BCL2L1: variants seen among roughly 807,000 people sequenced by gnomAD.
BCL2L1 encodes the protein bcl-2-like protein 1.
BCL2L1 carries 1 observed loss-of-function variant against 18.7 expected under a neutral mutation model. That is an observed-to-expected ratio of 0.05 (90% confidence interval 0.02 to 0.25). BCL2L1 has a LOEUF of 0.25. BCL2L1 is among the 10% of genes least tolerant of loss of function. BCL2L1 has a pLI of 1.00. For missense variants in BCL2L1, 207 were observed against 304.9 expected (o/e 0.68, Z 2.39); for synonymous variants, 103 against 122.7 (o/e 0.84, Z 1.06).
At chr20:31,669,498 G>A (rs2060634408) in intron 2 of BCL2L1, among the ~76,000 whole-genome samples, 1 of 149,956 alleles carries the variant, frequency 6.7e-6, no homozygotes, top group Non-Finnish European at 1.5e-5. Context: ...TGTCACCTAG[G>A]CTGGAGTGCA....
intron 2 of BCL2L1, 127 bp from the exon 3 acceptor site, chr20:31,666,213 T>C (rs2060585354): frequency 1.6e-6 from 2 of 1,231,730 alleles, no homozygotes; most frequent in South Asian, 1.4e-5. Flanking sequence ...GTGCCCACTC[T>C]GGGCCAGGTA....
chr20:31,701,694 T>C (rs77805075), intron 2 of BCL2L1, among the ~76,000 whole-genome samples: 584 of 152,368 alleles, frequency 3.8e-3, no homozygotes, highest in Middle Eastern at 0.024. Flanking sequence ...CAATTAAGAA[T>C]AAGTGGCAAA....
intron 2 of BCL2L1, among the ~76,000 whole-genome samples, chr20:31,676,300 C>T (rs932566094): frequency 7.9e-5 from 12 of 152,088 alleles, no homozygotes; most frequent in African/African-American, 2.9e-4. Context: ...ATAATCCCAC[C>T]GAGTACATGC....
chr20:31,690,720 G>A (rs1020879106), intron 2 of BCL2L1, among the ~76,000 whole-genome samples: 5 of 151,928 alleles, frequency 3.3e-5, no homozygotes, highest in Non-Finnish European at 7.4e-5. Context: ...ACAGGCGTGC[G>A]CCATGATGCC....
At chr20:31,723,564 A>T, upstream of BCL2L1, 1 of 984,312 alleles carries the variant, frequency 1.0e-6, no homozygotes, top group Non-Finnish European at 1.2e-6. Context: ...GTTGCTAGGC[A>T]ACCGCCCTCC....
intron 2 of BCL2L1, chr20:31,721,034 A>C: frequency 1.1e-6 from 1 of 943,088 alleles, no homozygotes. Flanking sequence ...TAGGGGGCGC[A>C]GTGCAAACAC....
intron 2 of BCL2L1, among the ~76,000 whole-genome samples, chr20:31,670,282 G>C (rs1002910008): frequency 6.6e-6 from 1 of 152,218 alleles, no homozygotes; most frequent in Non-Finnish European, 1.5e-5. Context: ...AGTACACCCA[G>C]GTGGAGTCAC....
chr20:31,679,085 G>A (rs1384766073), intron 2 of BCL2L1, among the ~76,000 whole-genome samples: 2 of 152,220 alleles, frequency 1.3e-5, no homozygotes, highest in African/African-American at 4.8e-5. Flanking sequence ...CACCAGACAA[G>A]GGAGTGGGTT....
chr20:31,697,892 G>GGTTTTTTTTTTTTGTTTGTTTT (rs1555871508), intron 2 of BCL2L1, among the ~76,000 whole-genome samples: 2 of 129,640 alleles, frequency 1.5e-5, no homozygotes, highest in African/African-American at 3.3e-5. Flanking sequence ...TGCTGTTGCT[G>GGTTTTTTTTTTTTGTTTGTTTT]TTTTTTTTTT....
chr20:31,671,950 A>G (rs1182635871), intron 2 of BCL2L1, among the ~76,000 whole-genome samples: 1 of 147,026 alleles, frequency 6.8e-6, no homozygotes, highest in Non-Finnish European at 1.5e-5. Flanking sequence ...ATACATATCT[A>G]TATCTATATA....
rs997226793 is a variant in BCL2L1, at chr20:31,715,017, G to A, written c.564+6638C>T. ...AGGCCTGGCACGGTGGCTCACGCCT[G>A]TAATTCCAGCACTTTAGGAGGCTGA... is the stretch of plus-strand genomic sequence containing the variant. On this transcript the variant is annotated intron_variant, in intron 2 of 2. Coordinates refer to ENST00000307677, the MANE Select transcript of BCL2L1 (RefSeq NM_138578.3). Among the ~76,000 whole-genome samples, 56 of 152,288 alleles carry A rather than the reference G, an allele frequency of 3.7e-4. 1 individual carries two copies. Among genetic ancestry groups the A allele is most frequent in the Admixed American group, 3.3e-3 (51 of 15,294 alleles).
chr20:31,678,940 C>T (rs1568858354), intron 2 of BCL2L1, among the ~76,000 whole-genome samples: 1 of 152,150 alleles, frequency 6.6e-6, no homozygotes. Flanking sequence ...CCCATGTAAC[C>T]AAAAACTCAG....
At chr20:31,669,785 T>TCTG (rs2060639509) in intron 2 of BCL2L1, among the ~76,000 whole-genome samples, 1 of 152,118 alleles carries the variant, frequency 6.6e-6, no homozygotes, top group African/African-American at 2.4e-5. Flanking sequence ...CTCGTTCCTA[T>TCTG]ACACCCAGTG....
upstream of BCL2L1, chr20:31,723,357 A>T: frequency 1.0e-6 from 1 of 985,498 alleles, no homozygotes; most frequent in Non-Finnish European, 1.2e-6. Flanking sequence ...TCAGGTCAGG[A>T]AGAGGGGTCG....
chr20:31,701,089 C>G (rs548037005), intron 2 of BCL2L1, among the ~76,000 whole-genome samples: 219 of 152,180 alleles, frequency 1.4e-3, no homozygotes, highest in African/African-American at 5.2e-3. Flanking sequence ...GAGTCTTGCT[C>G]TGTCGCCAGG....
chr20:31,679,067 T>C (rs193036005), intron 2 of BCL2L1, among the ~76,000 whole-genome samples: 4 of 152,328 alleles, frequency 2.6e-5, no homozygotes, highest in East Asian at 1.9e-4. Flanking sequence ...GCATCCAACA[T>C]TGATCTGCAC....
intron 2 of BCL2L1, among the ~76,000 whole-genome samples, chr20:31,690,623 T>C (rs1228895017): frequency 6.6e-6 from 1 of 151,352 alleles, no homozygotes; most frequent in East Asian, 2.0e-4. Context: ...CAGGCTGGAA[T>C]GCAATGGCAT....
chr20:31,703,231 ATGGGGTTTTACCACGT>A (rs977199879), intron 2 of BCL2L1, among the ~76,000 whole-genome samples: 1 of 150,360 alleles, frequency 6.7e-6, no homozygotes, highest in Non-Finnish European at 1.5e-5. Flanking sequence ...TTTAGTAGAG[ATGGGGTTTTACCACGT>A]TGGTCAGGCT....
chr20:31,682,125 G>GTGAC (rs894353368), intron 2 of BCL2L1, among the ~76,000 whole-genome samples: 13 of 152,246 alleles, frequency 8.5e-5, no homozygotes, highest in African/African-American at 2.2e-4. Flanking sequence ...AAGGTGCTCA[G>GTGAC]TGACTGACTG....
Sources: gnomAD v4.1 joint callset for allele counts (sites outside exome capture counted in the v4.1 genomes callset) on GRCh38, gnomAD v4.1.1 for gene constraint, MANE v1.5 for transcripts, NCBI Gene and HGNC (gene_info 2026-07-23, HGNC 2026-07-21) for gene names.